Variants in ST6GALNAC3 observed in about 807,000 individuals in gnomAD.
ST6GALNAC3 encodes ST6 N-acetylgalactosaminide alpha-2,6-sialyltransferase 3.
A neutral mutation model predicts 32.7 loss-of-function variants in ST6GALNAC3; 25 were observed. That is an observed-to-expected ratio of 0.76 (90% CI 0.56 to 1.07). The LOEUF (loss-of-function observed/expected upper bound fraction) is 1.07. Ranked by LOEUF, ST6GALNAC3 falls within the 50% of genes least tolerant of loss-of-function variation. The pLI, the probability that ST6GALNAC3 is intolerant of heterozygous loss-of-function variation, is 0.00. For missense variants in ST6GALNAC3, 355 were observed against 382.4 expected, an observed-to-expected ratio of 0.93 and a Z score of 0.60; for synonymous variants, 129 against 133.1, an observed-to-expected ratio of 0.97 and a Z score of 0.21.
chr1:76,534,085 C>T (rs534414593), intron 3 of ST6GALNAC3, among the ~76,000 whole-genome samples: 1 of 152,068 alleles, frequency 6.6e-6, no homozygotes, highest in African/African-American at 2.4e-5. Flanking sequence ...CTCTGTTGCC[C>T]AGGCTGGAGT....
At chr1:76,635,195 A>ATTT (rs1281997993), downstream of ST6GALNAC3, among the ~76,000 whole-genome samples, 3 of 152,004 alleles carry the variant, frequency 2.0e-5, no homozygotes, top group Non-Finnish European at 4.4e-5. Flanking sequence ...TTCCTTCCTT[A>ATTT]TTCCTTACTT....
At chr1:76,503,901 A>G (rs1438090165) in intron 3 of ST6GALNAC3, among the ~76,000 whole-genome samples, 1 of 152,114 alleles carries the variant, frequency 6.6e-6, no homozygotes, top group African/African-American at 2.4e-5. Context: ...ATTCTAATGC[A>G]TTGTCACTGT....
rs115238003 is a variant in ST6GALNAC3, at chr1:76,178,980, G to C, written c.18+104096G>C. 5.8e-3 allele frequency among the ~76,000 whole-genome samples: 878 copies of C among 150,432 alleles called. 14 individuals carry two copies. The highest frequency in any genetic ancestry group is 0.02 in the African/African-American group (840 of 41,362). On this transcript the variant is annotated intron_variant, in intron 1 of 4. Transcript: ENST00000328299. ...GCTCTTTGTGGGCTGGTTTGCCCCC[G>C]GAACTATTGCTCTGAGTTCTTCTGT...
intron 1 of ST6GALNAC3, among the ~76,000 whole-genome samples, chr1:76,146,148 C>T (rs486453): frequency 0.24 from 36,063 of 152,138 alleles, 4,567 homozygotes; most frequent in Middle Eastern, 0.3. Flanking sequence ...ATGATTTAAG[C>T]TGTTCTTTAC....
At chr1:76,288,165 G>C (rs1164236538) in intron 1 of ST6GALNAC3, among the ~76,000 whole-genome samples, 1 of 152,210 alleles carries the variant, frequency 6.6e-6, no homozygotes, top group Non-Finnish European at 1.5e-5. Context: ...AGGTATGACT[G>C]TTGTCTAGAA....
chr1:76,112,993 G>A (rs949705498), intron 1 of ST6GALNAC3, among the ~76,000 whole-genome samples: 23 of 152,288 alleles, frequency 1.5e-4, no homozygotes, highest in African/African-American at 5.5e-4. Flanking sequence ...AGGCAGCTGG[G>A]AGGTAGAGGT....
At chr1:76,307,196 C>G (rs1189204123) in intron 1 of ST6GALNAC3, among the ~76,000 whole-genome samples, 1 of 152,080 alleles carries the variant, frequency 6.6e-6, no homozygotes, top group Non-Finnish European at 1.5e-5. Context: ...CTTGGGCCTT[C>G]TTTACTTACC....
chr1:76,243,634 G>T (rs1657091337), intron 1 of ST6GALNAC3, among the ~76,000 whole-genome samples: 1 of 152,098 alleles, frequency 6.6e-6, no homozygotes, highest in African/African-American at 2.4e-5. Flanking sequence ...TTTGTATAAG[G>T]CATAAGGAAG....
intron 2 of ST6GALNAC3, among the ~76,000 whole-genome samples, chr1:76,400,700 A>G (rs541369490): frequency 8.5e-5 from 13 of 152,156 alleles, no homozygotes; most frequent in African/African-American, 3.1e-4. Flanking sequence ...CAGCCTGGCC[A>G]ACATGGTGAA....
intron 2 of ST6GALNAC3, among the ~76,000 whole-genome samples, chr1:76,338,811 G>A (rs986904488): frequency 8.6e-5 from 13 of 152,028 alleles, no homozygotes; most frequent in African/African-American, 2.9e-4. Flanking sequence ...AAGAAATGGG[G>A]TGAAGTCCAT....
intron 1 of ST6GALNAC3, among the ~76,000 whole-genome samples, chr1:76,156,531 C>T (rs1022304298): frequency 3.3e-5 from 5 of 150,562 alleles, no homozygotes; most frequent in Non-Finnish European, 5.9e-5. Context: ...TAGTATACTA[C>T]TAGATTTTGT....
At chr1:76,258,392 C>G (rs1037455448) in intron 1 of ST6GALNAC3, among the ~76,000 whole-genome samples, 2 of 152,170 alleles carry the variant, frequency 1.3e-5, no homozygotes, top group Non-Finnish European at 2.9e-5. Context: ...TCAAATACTG[C>G]TTCTTCAGAT....
intron 3 of ST6GALNAC3, among the ~76,000 whole-genome samples, chr1:76,544,696 C>G (rs938725717): frequency 6.6e-6 from 1 of 152,056 alleles, no homozygotes; most frequent in Non-Finnish European, 1.5e-5. Context: ...TATGAAATAT[C>G]CAAGGCAGGA....
intron 3 of ST6GALNAC3, among the ~76,000 whole-genome samples, chr1:76,584,671 CAT>C (rs1353178331): frequency 6.6e-6 from 1 of 152,086 alleles, no homozygotes; most frequent in Non-Finnish European, 1.5e-5. Flanking sequence ...AAAAGAGAAA[CAT>C]ATAAGGAATC....
intron 1 of ST6GALNAC3, among the ~76,000 whole-genome samples, chr1:76,112,830 CAG>C (rs1361282106): frequency 6.6e-6 from 1 of 151,862 alleles, no homozygotes; most frequent in African/African-American, 2.4e-5. Flanking sequence ...GGTGGCGGGG[CAG>C]AGACGCTCCT....
chr1:76,579,276 T>C (rs1646857746), intron 3 of ST6GALNAC3, among the ~76,000 whole-genome samples: 1 of 152,020 alleles, frequency 6.6e-6, no homozygotes, highest in Admixed American at 6.6e-5. Flanking sequence ...TACCAACTCA[T>C]TGGTCTCTGC....
At chr1:76,145,148 C>T (rs1477944928) in intron 1 of ST6GALNAC3, among the ~76,000 whole-genome samples, 2 of 152,148 alleles carry the variant, frequency 1.3e-5, no homozygotes, top group Non-Finnish European at 2.9e-5. Flanking sequence ...ACTGTTATTA[C>T]AGTTTCCTGT....
At chr1:76,496,699 A>G (rs1660868724) in intron 3 of ST6GALNAC3, among the ~76,000 whole-genome samples, 1 of 152,178 alleles carries the variant, frequency 6.6e-6, no homozygotes, top group African/African-American at 2.4e-5. Context: ...TAAGAGGTAT[A>G]ATTAAATTGT....
chr1:76,317,390 G>A (rs190642342), intron 2 of ST6GALNAC3, among the ~76,000 whole-genome samples: 40 of 152,182 alleles, frequency 2.6e-4, no homozygotes, highest in Admixed American at 2.2e-3. Flanking sequence ...AATGATAGGT[G>A]GTGAGTTCAG....
Sources: gnomAD v4.1 joint callset for allele counts (sites outside exome capture counted in the v4.1 genomes callset) on GRCh38, gnomAD v4.1.1 for gene constraint, MANE v1.5 for transcripts, NCBI Gene and HGNC (gene_info 2026-07-23, HGNC 2026-07-21) for gene names.